RPGRIP1L: variants seen among roughly 807,000 people sequenced by gnomAD.
RPGRIP1L encodes the protein RPGRIP1 like.
Under a neutral mutation model 160.4 loss-of-function variants are expected in RPGRIP1L, and 131 were observed. That is an observed-to-expected ratio of 0.82 (90% CI 0.71 to 0.94). The LOEUF is 0.94. RPGRIP1L is among the 40% of genes least tolerant of loss of function. The probability of loss-of-function intolerance (pLI) is 0.00; values close to 1 mark genes in which losing one functional copy is unlikely to be tolerated. For synonymous variants in RPGRIP1L, 510 were observed against 515.8 expected, an observed-to-expected ratio of 0.99 and a Z score of 0.15; for missense variants, 1,522 against 1,535.8, an observed-to-expected ratio of 0.99 and a Z score of 0.15.
At chr16:53,677,039 A>T (rs967250427) in intron 6 of RPGRIP1L, among the ~76,000 whole-genome samples, 1 of 152,214 alleles carries the variant, frequency 6.6e-6, no homozygotes, top group Non-Finnish European at 1.5e-5. Flanking sequence ...ATAGGGTGAT[A>T]GAAATAACAG....
intron 16 of RPGRIP1L, among the ~76,000 whole-genome samples, chr16:53,647,784 G>A (rs1215473238): frequency 6.6e-6 from 1 of 152,178 alleles, no homozygotes; most frequent in Non-Finnish European, 1.5e-5. Context: ...CTCAATGTGA[G>A]TGCATACTTT....
At position 53,636,292 on chromosome 16, in the gene RPGRIP1L, T is replaced by C. The variant is rs894795665; in HGVS notation, c.3294+147A>G. 4 of 650,550 alleles carry C rather than the reference T, an allele frequency of 6.1e-6. No individual in the cohort carries two copies. The African/African-American group carries it at 7.3e-5, about 12-fold the overall frequency. 40.3% of individuals were successfully genotyped at this position (650,550 alleles called of 1,614,324 possible). On this transcript the variant is annotated intron_variant, in intron 22 of 26. Coordinates refer to ENST00000647211, the MANE Select transcript of RPGRIP1L (RefSeq NM_015272.5). ...ATACATAAAAATTTCTTGTAGTAGA[T>C]GACTACTTGGTTAAGATTATGATAA... is the stretch of plus-strand genomic sequence containing the variant.
intron 3 of RPGRIP1L, chr16:53,695,144 C>A: frequency 1.8e-6 from 1 of 557,168 alleles, no homozygotes; most frequent in Middle Eastern, 3.5e-4. Context: ...GAATTCGATT[C>A]TTTTACTGAC....
intron 9 of RPGRIP1L, among the ~76,000 whole-genome samples, chr16:53,666,594 A>G (rs7205232): frequency 0.24 from 33,029 of 135,598 alleles, 5,020 homozygotes; most frequent in African/African-American, 0.47. Flanking sequence ...GTGTGTGTGT[A>G]TATATATATA....
rs1963269584 is a variant in RPGRIP1L, at chr16:53,598,654, A to G, written c.*3422T>C. The G allele has an allele frequency of 6.6e-6, 1 of 152,238 alleles. No homozygotes were observed. Among genetic ancestry groups the G allele is most frequent in the Non-Finnish European group, 1.5e-5 (1 of 68,032 alleles). 9.4% of individuals were successfully genotyped at this position (152,238 alleles called of 1,614,324 possible). Reference sequence around the variant, plus strand: ...TAGAGGTTGTTTTTGTTCTGAACAAAGGGGATGTAAATCTGTTTGTTCCCA... The same window carrying G: ...TAGAGGTTGTTTTTGTTCTGAACAAGGGGGATGTAAATCTGTTTGTTCCCA... On this transcript the variant is annotated 3_prime_UTR_variant, in exon 27 of 27. Coordinates refer to ENST00000647211, the MANE Select transcript of RPGRIP1L (RefSeq NM_015272.5).
At chr16:53,692,446 G>C in intron 3 of RPGRIP1L, 82 bp from the exon 4 acceptor site, 3 of 1,262,606 alleles carry the variant, frequency 2.4e-6, no homozygotes, top group African/African-American at 1.5e-5. Context: ...TAATCACTGT[G>C]AAGACTTCAG....
intron 6 of RPGRIP1L, among the ~76,000 whole-genome samples, chr16:53,681,705 A>C (rs1191167705): frequency 6.6e-6 from 1 of 152,210 alleles, no homozygotes; most frequent in Non-Finnish European, 1.5e-5. Flanking sequence ...TTGGATAACC[A>C]AAAGTTTATG....
chr16:53,685,082 A>C (rs1969901007), intron 6 of RPGRIP1L, among the ~76,000 whole-genome samples: 1 of 152,196 alleles, frequency 6.6e-6, no homozygotes. Context: ...TCTCAAAAGA[A>C]GACATCATGT....
At chr16:53,638,959 A>ATT (rs1966023812) in intron 19 of RPGRIP1L, among the ~76,000 whole-genome samples, 3 of 151,790 alleles carry the variant, frequency 2.0e-5, no homozygotes, top group African/African-American at 7.2e-5. Flanking sequence ...ATTTGGGAAC[A>ATT]TTAACTTTTA....
rs779403868 is a variant in RPGRIP1L at position 53,611,011 on chromosome 16, G to A, written c.3657C>T (p.Asp1219=). 1 of 1,613,164 alleles carries A rather than the reference G, an allele frequency of 6.2e-7. No homozygotes were observed. The highest frequency in any genetic ancestry group is 2.2e-5 in the East Asian group (1 of 44,852). ...VDKENNKAKR[D]ILKAILQKQE... ...GTTTTTGTAGTATAGCTTTTAAGAT[G>A]TCTCTCTTTGCTTTGTTGTTTTCTT... The change falls in exon 25 of 27, where the codon GAC becomes GAT. Residue 1219 remains aspartate (D), a synonymous_variant. Coordinates refer to ENST00000647211, the MANE Select transcript of RPGRIP1L (RefSeq NM_015272.5).
intron 23 of RPGRIP1L, among the ~76,000 whole-genome samples, 195 bp downstream of exon 23, chr16:53,622,022 CAA>C (rs36057385): frequency 8.3e-5 from 2 of 24,134 alleles, no homozygotes; most frequent in African/African-American, 3.0e-4. Flanking sequence ...GACTCCGTCT[CAA>C]AAAAAAAAAA....
intron 9 of RPGRIP1L, among the ~76,000 whole-genome samples, chr16:53,670,133 G>C (rs1416470705): frequency 6.6e-6 from 1 of 152,076 alleles, no homozygotes; most frequent in South Asian, 2.1e-4. Flanking sequence ...TCCCAAGTAG[G>C]TAAATAACAT....
intron 4 of RPGRIP1L, among the ~76,000 whole-genome samples, chr16:53,688,294 T>C (rs1312381770): frequency 6.6e-6 from 1 of 152,086 alleles, no homozygotes; most frequent in African/African-American, 2.4e-5. Context: ...GTTTTAACAA[T>C]GTAAATAGGT....
intron 22 of RPGRIP1L, among the ~76,000 whole-genome samples, chr16:53,632,194 T>G (rs1965563073): frequency 6.6e-6 from 1 of 152,250 alleles, no homozygotes. Flanking sequence ...TGTCAGATTC[T>G]GTAACATGAA....
intron 24 of RPGRIP1L, among the ~76,000 whole-genome samples, chr16:53,618,101 T>C (rs930555135): frequency 1.3e-5 from 2 of 152,208 alleles, no homozygotes; most frequent in African/African-American, 4.8e-5. Flanking sequence ...TCAGAATTTA[T>C]AGGGTGTCTA....
At chr16:53,636,962 A>G (rs1965877457) in intron 21 of RPGRIP1L, among the ~76,000 whole-genome samples, 1 of 150,958 alleles carries the variant, frequency 6.6e-6, no homozygotes, top group Non-Finnish European at 1.5e-5. Context: ...ACACACACAC[A>G]CACACACACA....
intron 17 of RPGRIP1L, among the ~76,000 whole-genome samples, chr16:53,642,090 T>G (rs1032170917): frequency 6.6e-6 from 1 of 152,070 alleles, no homozygotes; most frequent in Non-Finnish European, 1.5e-5. Flanking sequence ...CAAAAGAAAC[T>G]TGAATCTGTT....
chr16:53,693,700 T>C (rs1159895096), intron 3 of RPGRIP1L: 2 of 152,188 alleles, frequency 1.3e-5, no homozygotes, highest in African/African-American at 4.8e-5. Flanking sequence ...CCGAGAATGA[T>C]ATATCACTGG....
At position 53,601,993 on chromosome 16, in the gene RPGRIP1L, C is replaced by T; in HGVS notation, c.*83G>A. ...CCCATGAATTATAGATTATATACAC[C>T]AGAGTAATTACAAAAATCTCATGTA... On this transcript the variant is annotated 3_prime_UTR_variant, in exon 27 of 27. Transcript: ENST00000647211. 1.2e-6 allele frequency: 1 copy of T among 814,752 alleles called. No homozygotes were observed. 50.5% of individuals were successfully genotyped at this position (814,752 alleles called of 1,614,324 possible). A position where few individuals can be genotyped will look rare whatever the true frequency, so the allele number is the denominator to read the frequency against.
Sources: gnomAD v4.1 joint callset for allele counts (sites outside exome capture counted in the v4.1 genomes callset) on GRCh38, gnomAD v4.1.1 for gene constraint, MANE v1.5 for transcripts, NCBI Gene and HGNC (gene_info 2026-07-23, HGNC 2026-07-21) for gene names.